The following GZMK variants were observed in gnomAD, a reference collection of about 807,000 sequenced individuals.
GZMK encodes NK-Tryp-2.
A neutral mutation model predicts 22.8 loss-of-function variants in GZMK; 18 were observed. The ratio of observed to expected loss-of-function variants is 0.79; its 90% CI spans 0.54 to 1.17. The LOEUF (loss-of-function observed/expected upper bound fraction) is 1.17. GZMK is among the 50% of genes most tolerant of loss of function. GZMK has a pLI of 0.00. For synonymous variants in GZMK, 136 were observed against 115.0 expected (o/e 1.18, Z -1.17); for missense variants, 342 against 320.2 (o/e 1.07, Z -0.52).
intron 2 of GZMK, among the ~76,000 whole-genome samples, chr5:55,025,334 CAGTAGCTACCT>C (rs1561256412): frequency 6.6e-6 from 1 of 152,180 alleles, no homozygotes; most frequent in Non-Finnish European, 1.5e-5. Context: ...CCACTCCTAA[CAGTAGCTACCT>C]AACAGTAGCT....
In GZMK at chr5:55,030,458, T is replaced by C. The variant is rs1741208730; in HGVS notation, c.237T>C (p.Thr79=). 1.2e-6 allele frequency: 2 copies of C among 1,613,822 alleles called. No individual in the cohort carries two copies. The highest frequency in any genetic ancestry group is 1.7e-6 in the Non-Finnish European group (2 of 1,179,900). The change falls in exon 3 of 5, where the codon ACT becomes ACC. Residue 79 remains threonine (T), a synonymous_variant. Coordinates refer to ENST00000231009, the MANE Select transcript of GZMK (RefSeq NM_002104.3). ...QYRFTKGQSP[T]VVLGAHSLSK... is the part of the protein sequence containing the mutation. ...GGTTTACCAAAGGCCAGTCTCCCAC[T>C]GTGGTTTTAGGCGCACACTCTCTCT...
At position 55,031,522 on chromosome 5, in the gene GZMK, T is replaced by C. The variant is rs376887235; in HGVS notation, c.522T>C (p.Thr174=). Residue 174 remains threonine (T), a synonymous_variant, in exon 4 of 5, where the codon ACT becomes ACC. Transcript: ENST00000231009. ...PSDTLREVTV[T]VLSRKLCNSQ... ...ACACCCTGCGAGAAGTCACTGTTAC[T>C]GTCCTAAGTCGAAAACTTTGCAACA... 1.9e-5 allele frequency: 31 copies of C among 1,614,028 alleles called. No individual in the cohort carries two copies. In the African/African-American group the frequency reaches 3.1e-4, roughly 16 times the overall value.
Position 55,031,463 on chromosome 5 carries a change from G to A in GZMK, c.463G>A (p.Gly155Arg), listed in dbSNP as rs764459042. 2 of 1,613,868 alleles carry A rather than the reference G, an allele frequency of 1.2e-6. No individual in the cohort carries two copies. Among genetic ancestry groups the A allele is most frequent in the Non-Finnish European group, 1.7e-6 (2 of 1,179,884 alleles). ...SGTKCKVTGW[G>R]ATDPDSLRPS... ...AACCAAATGCAAGGTTACTGGCTGG[G>A]GAGCCACCGATCCAGATTCATTAAG... The change falls in exon 4 of 5, where the codon GGA (glycine) becomes AGA (arginine). Residue 155 changes from glycine to arginine, a missense_variant. Coordinates refer to ENST00000231009, the MANE Select transcript of GZMK (RefSeq NM_002104.3).
At chr5:55,027,228 T>C (rs1328317445) in intron 2 of GZMK, among the ~76,000 whole-genome samples, 2 of 152,234 alleles carry the variant, frequency 1.3e-5, no homozygotes, top group Admixed American at 6.5e-5. Flanking sequence ...AAGAACTTAA[T>C]AGATGTTATC....
At chr5:55,033,477 G>T (rs1208046770) in intron 4 of GZMK, among the ~76,000 whole-genome samples, 2 of 152,116 alleles carry the variant, frequency 1.3e-5, no homozygotes, top group Non-Finnish European at 2.9e-5. Context: ...ACATAGATAG[G>T]GACAAAACAG....
At chr5:55,031,036 C>G (rs557758266) in intron 3 of GZMK, among the ~76,000 whole-genome samples, 1 of 152,188 alleles carries the variant, frequency 6.6e-6, no homozygotes, top group Non-Finnish European at 1.5e-5. Context: ...GGGTCCTATC[C>G]GGCAGGAAGC....
intron 4 of GZMK, among the ~76,000 whole-genome samples, chr5:55,032,172 G>A (rs1299260882): frequency 6.6e-6 from 1 of 152,160 alleles, no homozygotes; most frequent in Non-Finnish European, 1.5e-5. Flanking sequence ...CAAGATCAAG[G>A]CACCAGCACA....
At chr5:55,031,329 G>A (rs774279232) in intron 3 of GZMK, 35 bp from the exon 4 acceptor site, 1 of 1,590,942 alleles carries the variant, frequency 6.3e-7, no homozygotes, top group African/African-American at 1.3e-5. Flanking sequence ...ATACTACTGG[G>A]AAAGAAATAA....
intron 2 of GZMK, chr5:55,025,026 G>A (rs1451342880): frequency 7.6e-6 from 3 of 396,714 alleles, no homozygotes; most frequent in Non-Finnish European, 1.4e-5. Flanking sequence ...CAAGACATTA[G>A]ACAAATTCAA....
intron 2 of GZMK, among the ~76,000 whole-genome samples, chr5:55,029,953 A>T (rs1319978582): frequency 6.6e-6 from 1 of 152,168 alleles, no homozygotes; most frequent in Non-Finnish European, 1.5e-5. Context: ...CATGTCCTTC[A>T]TACCACCAAA....
intron 2 of GZMK, among the ~76,000 whole-genome samples, chr5:55,025,305 G>C (rs1278023762): frequency 6.6e-6 from 1 of 152,130 alleles, no homozygotes; most frequent in African/African-American, 2.4e-5. Flanking sequence ...AGTATTATAC[G>C]CATGAGAAGC....
intron 4 of GZMK, among the ~76,000 whole-genome samples, chr5:55,032,952 C>G (rs2111621576): frequency 6.6e-6 from 1 of 152,284 alleles, no homozygotes; most frequent in South Asian, 2.1e-4. Flanking sequence ...TGTGCATCTG[C>G]AGTACCCAAG....
At chr5:55,033,665 C>A in intron 4 of GZMK, 100 bp from the exon 5 acceptor site, 1 of 807,166 alleles carries the variant, frequency 1.2e-6, no homozygotes, top group Non-Finnish European at 2.0e-6. Context: ...AAAGCAAAGA[C>A]CCAGATGATA....
intron 4 of GZMK, among the ~76,000 whole-genome samples, chr5:55,032,144 C>A (rs1293770976): frequency 6.6e-6 from 1 of 152,104 alleles, no homozygotes; most frequent in Non-Finnish European, 1.5e-5. Flanking sequence ...AATAACAGAA[C>A]TTTATTCTGT....
rs561131107 is a variant in GZMK at position 55,031,392 on chromosome 5, A to G, written c.392A>G (p.His131Arg). The G allele has an allele frequency of 3.1e-6, 5 of 1,613,446 alleles. No homozygotes were observed. Among genetic ancestry groups the G allele is most frequent in the Non-Finnish European group, 1.7e-6 (2 of 1,179,496 alleles). The change falls in exon 4 of 5, where the codon CAT becomes CGT. Residue 131 changes from histidine (H) to arginine (R), a missense_variant. Physicochemically the swap from His to Arg is conservative, Grantham distance 29. Transcript: ENST00000231009. ...KLQTAAKLNKHVKMLHIRSKT... is the reference protein window; with the variant it reads ...KLQTAAKLNKRVKMLHIRSKT... ...CAAACAGCCGCAAAACTCAATAAAC[A>G]TGTCAAGATGCTCCACATAAGATCC...
intron 3 of GZMK, among the ~76,000 whole-genome samples, chr5:55,031,108 G>A (rs1250305161): frequency 2.0e-5 from 3 of 152,150 alleles, no homozygotes; most frequent in Non-Finnish European, 2.9e-5. Context: ...CCAATGCAGG[G>A]CAAAGGCCAG....
intron 1 of GZMK, 137 bp downstream of exon 1, chr5:55,024,523 T>A: frequency 1.3e-6 from 1 of 793,716 alleles, no homozygotes; most frequent in Non-Finnish European, 2.0e-6. Context: ...TTTTCATCAG[T>A]AAAATTATTG....
intron 2 of GZMK, among the ~76,000 whole-genome samples, chr5:55,029,204 C>A (rs911981026): frequency 1.3e-5 from 2 of 151,812 alleles, no homozygotes; most frequent in African/African-American, 4.8e-5. Flanking sequence ...CACTGAACTC[C>A]AGCCTGGGAA....
chr5:55,024,494 T>C, intron 1 of GZMK, 108 bp downstream of exon 1: 1 of 762,058 alleles, frequency 1.3e-6, no homozygotes, highest in African/African-American at 1.8e-5. Flanking sequence ...CTTTCTGAAC[T>C]GTAATGTATT....
Sources: gnomAD v4.1 joint callset for allele counts (sites outside exome capture counted in the v4.1 genomes callset) on GRCh38, gnomAD v4.1.1 for gene constraint, MANE v1.5 for transcripts, NCBI Gene and HGNC (gene_info 2026-07-23, HGNC 2026-07-21) for gene names.